NET1: variants seen among roughly 807,000 people sequenced by gnomAD.
NET1 encodes the protein neuroepithelial cell-transforming gene 1 protein.
A neutral mutation model predicts 61.1 loss-of-function variants in NET1; 42 were observed. That is an observed-to-expected ratio of 0.69 (90% confidence interval 0.54 to 0.89). The LOEUF is 0.89. NET1 is among the 40% of genes least tolerant of loss of function. The pLI is 0.00. For missense variants in NET1, 654 were observed against 747.3 expected, an observed-to-expected ratio of 0.88 and a Z score of 1.46; for synonymous variants, 254 against 281.8, an observed-to-expected ratio of 0.90 and a Z score of 0.99.
At chr10:5,434,631 C>G (rs559934341) in intron 3 of NET1, among the ~76,000 whole-genome samples, 1 of 151,054 alleles carries the variant, frequency 6.6e-6, no homozygotes, top group Non-Finnish European at 1.5e-5. Flanking sequence ...GTTTGTCACT[C>G]TGCTCATATT....
At chr10:5,445,075 A>G (rs866154814) in intron 3 of NET1, among the ~76,000 whole-genome samples, 2 of 152,186 alleles carry the variant, frequency 1.3e-5, no homozygotes, top group East Asian at 1.9e-4. Flanking sequence ...TCTTTCAACC[A>G]TCTTAAACAC....
In NET1 at chr10:5,453,149, C is replaced by G; in HGVS notation, c.595-101C>G. ...TATTTTATGTGTAGCAAACAGAATC[C>G]ACGCTAGCTTTTATGTAATTAATTC... On this transcript the variant is annotated intron_variant, in intron 6 of 11. Coordinates refer to ENST00000355029, the MANE Select transcript of NET1 (RefSeq NM_001047160.3). The surrounding 1 kb of genome is among the most constrained non-coding windows in gnomAD (Gnocchi z 4.9). 1.3e-6 allele frequency: 1 copy of G among 794,800 alleles called. No homozygotes were observed. Among genetic ancestry groups the G allele is most frequent in the Non-Finnish European group, 2.2e-6 (1 of 457,688 alleles). 49.2% of individuals were successfully genotyped at this position (794,800 alleles called of 1,614,324 possible). A position where few individuals can be genotyped will look rare whatever the true frequency, so the allele number is the denominator to read the frequency against.
In NET1 at chr10:5,449,786, A is replaced by G. The variant is rs1480890364; in HGVS notation, c.256-2044A>G. Among the ~76,000 whole-genome samples, 2 of 152,216 alleles carry G rather than the reference A, an allele frequency of 1.3e-5. No individual in the cohort carries two copies. The highest frequency in any genetic ancestry group is 1.3e-4 in the Admixed American group (2 of 15,280). The stretch of plus-strand genomic sequence containing the variant: ...TTCCTGCTAACAAAATTTTCCTTTC[A>G]TATTCACTGGGAAAAGCACCTTTCC... On this transcript the variant is annotated intron_variant, in intron 3 of 11. Coordinates refer to ENST00000355029, the MANE Select transcript of NET1 (RefSeq NM_001047160.3). The surrounding 1 kb of genome is among the most constrained non-coding windows in gnomAD (Gnocchi z 4.4).
In NET1 at chr10:5,456,840, A is replaced by T; in HGVS notation, c.1637A>T (p.Gln546Leu). 1.2e-6 allele frequency: 2 copies of T among 1,614,062 alleles called. No homozygotes were observed. Among genetic ancestry groups the T allele is most frequent in the Non-Finnish European group, 1.7e-6 (2 of 1,179,988 alleles). ...GCATCCACAGTTTCCAGTGTTACTC[A>T]GGTAGAAGTTGATGAAAACGCTTAC... ...RRASTVSSVT[Q>L]VEVDENAYRC... Residue 546 changes from glutamine (Q) to leucine (L), a missense_variant, in exon 12 of 12, where the codon CAG becomes CTG. Physicochemically the swap from Gln to Leu is moderately radical, Grantham distance 113 (BLOSUM62 -2). Coordinates refer to ENST00000355029, the MANE Select transcript of NET1 (RefSeq NM_001047160.3). This position sits in a 1 kb window ranked among gnomAD's most constrained non-coding sequence, Gnocchi z 7.0.
At position 5,452,693 on chromosome 10, in the gene NET1, C is replaced by T. The variant is rs1333164546; in HGVS notation, c.532-165C>T. ...AACAACTCTAATAGGGTAAACTTAC[C>T]AAACATACGGCAACCTTGTATTTGA... On this transcript the variant is annotated intron_variant, in intron 5 of 11. Coordinates refer to ENST00000355029, the MANE Select transcript of NET1 (RefSeq NM_001047160.3). The surrounding 1 kb of genome is among the most constrained non-coding windows in gnomAD (Gnocchi z 4.0). 1.6e-5 allele frequency: 15 copies of T among 918,568 alleles called. No homozygotes were observed. The highest frequency in any genetic ancestry group is 2.4e-5 in the Non-Finnish European group (15 of 612,830). The allele number at this position is 918,568 out of a possible 1,614,324, so 56.9% of individuals were successfully genotyped here. A position where few individuals can be genotyped will look rare whatever the true frequency, so the allele number is the denominator to read the frequency against.
In NET1 at chr10:5,417,981, CTT is replaced by C; in HGVS notation, c.128+5163_128+5164del. Among the ~76,000 whole-genome samples, 1 of 152,094 alleles carries C rather than the reference CTT, an allele frequency of 6.6e-6. No individual in the cohort carries two copies. Among genetic ancestry groups the C allele is most frequent in the Non-Finnish European group, 1.5e-5 (1 of 68,012 alleles). On this transcript the variant is annotated intron_variant, in intron 1 of 11. Coordinates refer to ENST00000355029, the MANE Select transcript of NET1 (RefSeq NM_001047160.3). This position sits in a 1 kb window ranked among gnomAD's most constrained non-coding sequence, Gnocchi z 5.5. ...TTGATTTTTTGGGATGTTAAACCAA[CTT>C]TGCCTTCCTGGTATAAGTCCTGCTT... is the stretch of plus-strand genomic sequence containing the variant.
chr10:5,412,890 A>T lies in NET1; in HGVS notation c.128+70A>T. Reference sequence around the variant, plus strand: ...GGAGCGGAGGGCCGAACGGGAGGTGAGTGTTGGAGAGGCAAGGGCCGGGGG... The same window carrying T: ...GGAGCGGAGGGCCGAACGGGAGGTGTGTGTTGGAGAGGCAAGGGCCGGGGG... On this transcript the variant is annotated intron_variant, in intron 1 of 11. Transcript: ENST00000355029. The surrounding 1 kb of genome is among the most constrained non-coding windows in gnomAD (Gnocchi z 6.5). 1.1e-4 allele frequency: 38 copies of T among 360,868 alleles called. No individual in the cohort carries two copies. The highest frequency in any genetic ancestry group is 2.3e-4 in the East Asian group (1 of 4,390). 22.4% of individuals were successfully genotyped at this position (360,868 alleles called of 1,614,324 possible). A position where few individuals can be genotyped will look rare whatever the true frequency, so the allele number is the denominator to read the frequency against.
Position 5,426,317 on chromosome 10 carries a change from T to C in NET1, c.129-338T>C, listed in dbSNP as rs1832257271. Among the ~76,000 whole-genome samples, 1 of 152,324 alleles carries C rather than the reference T, an allele frequency of 6.6e-6. No homozygotes were observed. The highest frequency in any genetic ancestry group is 6.5e-5 in the Admixed American group (1 of 15,302). ...CACTTAGGAAGTTTGTTTGCTGTTT[T>C]TTATTTAACCTATTAATATATTTCA... On this transcript the variant is annotated intron_variant, in intron 1 of 11. Coordinates refer to ENST00000355029, the MANE Select transcript of NET1 (RefSeq NM_001047160.3). This position sits in a 1 kb window ranked among gnomAD's most constrained non-coding sequence, Gnocchi z 4.6.
At chr10:5,433,610 T>C (rs1832381684) in intron 3 of NET1, among the ~76,000 whole-genome samples, 1 of 152,248 alleles carries the variant, frequency 6.6e-6, no homozygotes, top group African/African-American at 2.4e-5. Flanking sequence ...GGCTCACCTT[T>C]TCTTTCATTG....
rs1248864276 is a variant in NET1 at position 5,439,445 on chromosome 10, T to G, written c.255+10216T>G. On this transcript the variant is annotated intron_variant, in intron 3 of 11. Coordinates refer to ENST00000355029, the MANE Select transcript of NET1 (RefSeq NM_001047160.3). The surrounding 1 kb of genome is among the most constrained non-coding windows in gnomAD (Gnocchi z 4.8). The stretch of plus-strand genomic sequence containing the variant: ...GTTACATGGCAGTCTGGGCCATCTG[T>G]TCATGTTATATACTGATGCCCTTTG... Among the ~76,000 whole-genome samples, 2 of 152,214 alleles carry G rather than the reference T, an allele frequency of 1.3e-5. No individual in the cohort carries two copies. The highest frequency in any genetic ancestry group is 2.9e-5 in the Non-Finnish European group (2 of 68,024).
rs767299959 is a variant in NET1 at position 5,428,038 on chromosome 10, C to CCTTTTTTTTTTTTTT, written c.196-1132_196-1131insCTTTTTTTTTTTTTT. 1.8e-5 allele frequency among the ~76,000 whole-genome samples: 2 copies of CCTTTTTTTTTTTTTT among 113,904 alleles called. 1 individual carries two copies. The allele number at this position is 113,904 out of a possible 152,430, so 74.7% of individuals were successfully genotyped here. A position where few individuals can be genotyped will look rare whatever the true frequency, so the allele number is the denominator to read the frequency against. On this transcript the variant is annotated intron_variant, in intron 2 of 11. Transcript: ENST00000355029. ...CACTTCTATCTGGACTTTGCCGTTCCTTTTTTTTTTTTTTTTTTTTTTTTT... is the reference window on the plus strand; with the variant it reads ...CACTTCTATCTGGACTTTGCCGTTCCCTTTTTTTTTTTTTTTTTTTTTTTTTTTTTTTTTTTTTTT...
Position 5,451,949 on chromosome 10 carries a change from G to C in NET1, c.363+12G>C. On this transcript the variant is annotated intron_variant, in intron 4 of 11. Coordinates refer to ENST00000355029, the MANE Select transcript of NET1 (RefSeq NM_001047160.3). The surrounding 1 kb of genome is among the most constrained non-coding windows in gnomAD (Gnocchi z 6.1). Reference sequence around the variant, plus strand: ...GTCAAACAATACAGGTAAAAAGAGAGGAGGAAGAGTAATGTAGTCAGCGGA... The same window carrying C: ...GTCAAACAATACAGGTAAAAAGAGACGAGGAAGAGTAATGTAGTCAGCGGA... The C allele has an allele frequency of 6.3e-7, 1 of 1,594,382 alleles. No individual in the cohort carries two copies. The highest frequency in any genetic ancestry group is 8.6e-7 in the Non-Finnish European group (1 of 1,162,934).
rs1832505920 is a variant in NET1 at position 5,440,344 on chromosome 10, C to T, written c.255+11115C>T. ...AGAACACATAGGCCAGATCAGTAACCACAACCATAACCATGTAACAAATGC... is the reference window on the plus strand; with the variant it reads ...AGAACACATAGGCCAGATCAGTAACTACAACCATAACCATGTAACAAATGC... On this transcript the variant is annotated intron_variant, in intron 3 of 11. Coordinates refer to ENST00000355029, the MANE Select transcript of NET1 (RefSeq NM_001047160.3). The surrounding 1 kb of genome is among the most constrained non-coding windows in gnomAD (Gnocchi z 4.1). Among the ~76,000 whole-genome samples, 1 of 152,212 alleles carries T rather than the reference C, an allele frequency of 6.6e-6. No individual in the cohort carries two copies. Among genetic ancestry groups the T allele is most frequent in the Non-Finnish European group, 1.5e-5 (1 of 68,036 alleles).
At chr10:5,429,265 A>C in intron 3 of NET1, 36 bp downstream of exon 3, 1 of 1,422,672 alleles carries the variant, frequency 7.0e-7, no homozygotes, top group East Asian at 2.3e-5. Flanking sequence ...AAAGCATTTA[A>C]AAATATGCAG....
Position 5,457,126 on chromosome 10 carries a change from C to A in NET1, c.*132C>A. On this transcript the variant is annotated 3_prime_UTR_variant, in exon 12 of 12. Transcript: ENST00000355029. This position sits in a 1 kb window ranked among gnomAD's most constrained non-coding sequence, Gnocchi z 5.4. The stretch of plus-strand genomic sequence containing the variant: ...AACATTTTCATTGTTTTTGGTTGTT[C>A]TTTTTTCTTTTTTTAATGGCAGCTA... 1.2e-6 allele frequency: 1 copy of A among 831,930 alleles called. No individual in the cohort carries two copies. The highest frequency in any genetic ancestry group is 3.1e-5 in the East Asian group (1 of 32,220). The allele number at this position is 831,930 out of a possible 1,614,324, so 51.5% of individuals were successfully genotyped here. A position where few individuals can be genotyped will look rare whatever the true frequency, so the allele number is the denominator to read the frequency against.
At position 5,440,057 on chromosome 10, in the gene NET1, A is replaced by G. The variant is rs551779932; in HGVS notation, c.255+10828A>G. Among the ~76,000 whole-genome samples the G allele has an allele frequency of 4.3e-4, 66 of 152,304 alleles. 1 individual carries two copies. The highest frequency in any genetic ancestry group is 1.5e-3 in the African/African-American group (63 of 41,570). ...TTGGATCTATTAAAACTTTTCCAAC[A>G]TGGCAACCTCTGAATTTTTGTGGCA... is the stretch of plus-strand genomic sequence containing the variant. On this transcript the variant is annotated intron_variant, in intron 3 of 11. Transcript: ENST00000355029. This position sits in a 1 kb window ranked among gnomAD's most constrained non-coding sequence, Gnocchi z 4.1.
intron 1 of NET1, among the ~76,000 whole-genome samples, chr10:5,414,587 T>C (rs1832048722): frequency 6.6e-6 from 1 of 152,138 alleles, no homozygotes; most frequent in Non-Finnish European, 1.5e-5. Flanking sequence ...TAGCTGGCAA[T>C]GGGATTGGTG....
Position 5,446,554 on chromosome 10 carries a change from T to TGGCTGTGGCCCCGCCCCCGAGC in NET1, c.256-5275_256-5254dup. ...GTGGACCCCGCCCCCAGGGCCCGGTTGGCTGTGGCCCCGCCCCCGAGCCCT... is the reference window on the plus strand; with the variant it reads ...GTGGACCCCGCCCCCAGGGCCCGGTTGGCTGTGGCCCCGCCCCCGAGCGGCTGTGGCCCCGCCCCCGAGCCCT... On this transcript the variant is annotated intron_variant, in intron 3 of 11. Transcript: ENST00000355029. This position sits in a 1 kb window ranked among gnomAD's most constrained non-coding sequence, Gnocchi z 5.0. The TGGCTGTGGCCCCGCCCCCGAGC allele has an allele frequency of 8.6e-7, 1 of 1,156,318 alleles. No individual in the cohort carries two copies. Among genetic ancestry groups the TGGCTGTGGCCCCGCCCCCGAGC allele is most frequent in the Non-Finnish European group, 1.1e-6 (1 of 940,222 alleles). The allele number at this position is 1,156,318 out of a possible 1,614,324, so 71.6% of individuals were successfully genotyped here.
At position 5,426,771 on chromosome 10, in the gene NET1, C is replaced by T. The variant is rs898199406; in HGVS notation, c.195+50C>T. 9 of 1,333,732 alleles carry T rather than the reference C, an allele frequency of 6.7e-6. No homozygotes were observed. The highest frequency in any genetic ancestry group is 9.4e-6 in the Non-Finnish European group (9 of 956,332). The allele number at this position is 1,333,732 out of a possible 1,614,324, so 82.6% of individuals were successfully genotyped here. On this transcript the variant is annotated intron_variant, in intron 2 of 11. Transcript: ENST00000355029. This position sits in a 1 kb window ranked among gnomAD's most constrained non-coding sequence, Gnocchi z 4.6. The stretch of plus-strand genomic sequence containing the variant: ...TTCGAGACATTAGATAGAATTAATT[C>T]CCTGGTTTCTTTCAGTCTGTTACAC...
Sources: gnomAD v4.1 joint callset for allele counts (sites outside exome capture counted in the v4.1 genomes callset) on GRCh38, gnomAD v4.1.1 for gene constraint, Gnocchi (gnomAD v3.1) non-coding constraint, MANE v1.5 for transcripts, NCBI Gene and HGNC (gene_info 2026-07-23, HGNC 2026-07-21) for gene names.